The following ADNP variants were observed in gnomAD, a reference collection of about 807,000 sequenced individuals.
ADNP encodes the protein activity-dependent neuroprotector homeobox protein.
A neutral mutation model predicts 84.9 loss-of-function variants in ADNP; 4 were observed. The ratio of observed to expected loss-of-function variants is 0.05; its 90% CI spans 0.02 to 0.11. ADNP has a LOEUF of 0.11. ADNP is among the 10% of genes least tolerant of loss of function. The probability of loss-of-function intolerance (pLI) is 1.00; values close to 1 mark genes in which losing one functional copy is unlikely to be tolerated. For synonymous variants in ADNP, 554 were observed against 468.1 expected, an observed-to-expected ratio of 1.18 and a Z score of -2.37; for missense variants, 1,132 against 1,326.0, an observed-to-expected ratio of 0.85 and a Z score of 2.27.
chr20:50,921,591 C>A (rs1048420790), intron 2 of ADNP, among the ~76,000 whole-genome samples: 1 of 152,184 alleles, frequency 6.6e-6, no homozygotes, highest in South Asian at 2.1e-4. Context: ...TGATACTTTC[C>A]GTATTCAGAT....
At chr20:50,925,635 G>A (rs1054206250) in intron 2 of ADNP, among the ~76,000 whole-genome samples, 3 of 152,194 alleles carry the variant, frequency 2.0e-5, no homozygotes, top group Admixed American at 1.3e-4. Context: ...GTAAAAACAA[G>A]AAACAGCTTT....
chr20:50,920,021 G>GA (rs1983837013), intron 2 of ADNP, among the ~76,000 whole-genome samples: 1 of 152,114 alleles, frequency 6.6e-6, no homozygotes, highest in Non-Finnish European at 1.5e-5. Flanking sequence ...GCTCATGCCT[G>GA]AAATCCCAGC....
At chr20:50,907,454 A>G (rs973856439) in intron 2 of ADNP, among the ~76,000 whole-genome samples, 1 of 151,724 alleles carries the variant, frequency 6.6e-6, no homozygotes, top group Admixed American at 6.6e-5. Flanking sequence ...TTTAATAGAG[A>G]CAGGGCTTCA....
In ADNP at chr20:50,892,023, A is replaced by G; in HGVS notation, c.2691T>C (p.Phe897=). 1 of 1,614,180 alleles carries G rather than the reference A, an allele frequency of 6.2e-7. No individual in the cohort carries two copies. Among genetic ancestry groups the G allele is most frequent in the Non-Finnish European group, 8.5e-7 (1 of 1,180,030 alleles). Reference sequence around the variant, plus strand: ...CGTTAGAGATTTTAGGTTCAACTTCAAAAACAGGGTCAAAAGGGCTACCAC... The same window carrying G: ...CGTTAGAGATTTTAGGTTCAACTTCGAAAACAGGGTCAAAAGGGCTACCAC... ...NESGSPFDPV[F]EVEPKISNDN... Residue 897 remains phenylalanine (F), a synonymous_variant, in exon 6 of 6, where the codon TTT becomes TTC. Transcript: ENST00000621696.
At chr20:50,904,391 A>T (rs1287585095) in intron 3 of ADNP, 1 of 169,986 alleles carries the variant, frequency 5.9e-6, no homozygotes, top group Non-Finnish European at 1.3e-5. Flanking sequence ...AATTTTTAAA[A>T]TTTTTTTGTA....
At position 50,931,257 on chromosome 20, in the gene ADNP, G is replaced by GC. The variant is rs1251555992; in HGVS notation, c.-697_-696insG. The GC allele has an allele frequency of 9.4e-6, 1 of 106,252 alleles. No individual in the cohort carries two copies. The highest frequency in any genetic ancestry group is 8.4e-5 in the Admixed American group (1 of 11,858). 6.6% of individuals were successfully genotyped at this position (106,252 alleles called of 1,614,324 possible). ...GCACAAGATGGCGGCGGCCGGGGGGGGGGGGGCGGGAGTTCAGCTCATGGA... is the reference window on the plus strand; with the variant it reads ...GCACAAGATGGCGGCGGCCGGGGGGGCGGGGGGCGGGAGTTCAGCTCATGGA... On this transcript the variant is annotated 5_prime_UTR_variant, in exon 1 of 6. Coordinates refer to ENST00000621696, the MANE Select transcript of ADNP (RefSeq NM_001282531.3).
rs1174991890 is a variant in ADNP, at chr20:50,892,833, G to A, written c.1881C>T (p.Cys627=). ...KDVGKTLCPL[C]FSILKGPISD... The stretch of plus-strand genomic sequence containing the variant: ...ATATGGGTCCTTTTAGGATTGAAAA[G>A]CAAAGAGGACAAAGGGTTTTCCCAA... Residue 627 remains cysteine (C), a synonymous_variant, in exon 6 of 6, where the codon TGC becomes TGT. Coordinates refer to ENST00000621696, the MANE Select transcript of ADNP (RefSeq NM_001282531.3). 5 of 1,614,234 alleles carry A rather than the reference G, an allele frequency of 3.1e-6. No homozygotes were observed. The highest frequency in any genetic ancestry group is 4.2e-6 in the Non-Finnish European group (5 of 1,180,048).
Position 50,889,923 on chromosome 20 carries a change from C to A in ADNP, c.*1482G>T, listed in dbSNP as rs150159497. On this transcript the variant is annotated 3_prime_UTR_variant, in exon 6 of 6. Coordinates refer to ENST00000621696, the MANE Select transcript of ADNP (RefSeq NM_001282531.3). Reference sequence around the variant, plus strand: ...CAGAGCCGCCTGCACTACAGTTGTTCCCATCGTAAGGTGAAAACGAACGTT... The same window carrying A: ...CAGAGCCGCCTGCACTACAGTTGTTACCATCGTAAGGTGAAAACGAACGTT... The A allele has an allele frequency of 3.9e-3, 1,569 of 398,136 alleles. 26 individuals are homozygous for A. The highest frequency in any genetic ancestry group is 0.03 in the African/African-American group (1,430 of 48,456). 24.7% of individuals were successfully genotyped at this position (398,136 alleles called of 1,614,324 possible).
intron 2 of ADNP, among the ~76,000 whole-genome samples, chr20:50,919,396 A>G (rs1305115948): frequency 1.3e-5 from 2 of 151,558 alleles, no homozygotes; most frequent in East Asian, 3.9e-4. Flanking sequence ...CTTGAGTTGC[A>G]GTGAGCTATG....
Position 50,899,867 on chromosome 20 carries a change from A to ATTT in ADNP, c.201+2147_201+2149dup, listed in dbSNP as rs142777741. On this transcript the variant is annotated intron_variant, in intron 5 of 5. Coordinates refer to ENST00000621696, the MANE Select transcript of ADNP (RefSeq NM_001282531.3). ...CAAAATATTTTTATACAGCTGTACAATTTTTTTTTTTTTTTTTTTTGGAGC... is the reference window on the plus strand; with the variant it reads ...CAAAATATTTTTATACAGCTGTACAATTTTTTTTTTTTTTTTTTTTTTTGGAGC... Among the ~76,000 whole-genome samples the ATTT allele has an allele frequency of 4.4e-3, 584 of 131,256 alleles. 14 individuals are homozygous for ATTT. Among genetic ancestry groups the ATTT allele is most frequent in the African/African-American group, 0.014 (453 of 33,270 alleles). The allele number at this position is 131,256 out of a possible 152,430, so 86.1% of individuals were successfully genotyped here. A position where few individuals can be genotyped will look rare whatever the true frequency, so the allele number is the denominator to read the frequency against.
chr20:50,899,150 C>T (rs1385962135), intron 5 of ADNP, among the ~76,000 whole-genome samples: 1 of 151,528 alleles, frequency 6.6e-6, no homozygotes, highest in African/African-American at 2.4e-5. Context: ...TGCAGGTTCT[C>T]CAGGGCCAAC....
At chr20:50,917,050 T>C (rs2122946723) in intron 2 of ADNP, among the ~76,000 whole-genome samples, 1 of 152,264 alleles carries the variant, frequency 6.6e-6, no homozygotes, top group South Asian at 2.1e-4. Flanking sequence ...AATTAGCAGC[T>C]GAGGTGAAGC....
At position 50,891,491 on chromosome 20, in the gene ADNP, C is replaced by T; in HGVS notation, c.3223G>A (p.Glu1075Lys). Reference protein sequence around the residue: ...QNSTIDSEDGEQFDNMTDGVA... With the variant: ...QNSTIDSEDGKQFDNMTDGVA... ...CCATCAGTCATGTTGTCAAACTGTT[C>T]CCCATCCTCACTGTCAATTGTGCTA... Residue 1075 changes from glutamate to lysine, a missense_variant, in exon 6 of 6, where the codon GAA (glutamate) becomes AAA (lysine). Transcript: ENST00000621696. The T allele has an allele frequency of 1.2e-6, 2 of 1,612,488 alleles. No homozygotes were observed. Among genetic ancestry groups the T allele is most frequent in the Non-Finnish European group, 1.7e-6 (2 of 1,180,024 alleles).
In ADNP at chr20:50,892,369, G is replaced by C; in HGVS notation, c.2345C>G (p.Thr782Ser). The C allele has an allele frequency of 4.3e-6, 7 of 1,614,132 alleles. No homozygotes were observed. The highest frequency in any genetic ancestry group is 5.9e-6 in the Non-Finnish European group (7 of 1,180,044). ...TGCTAGCTTCTCAATTTCTCTCCTGGTGGGATAGGGCTGTTTGTTGAAATA... is the reference window on the plus strand; with the variant it reads ...TGCTAGCTTCTCAATTTCTCTCCTGCTGGGATAGGGCTGTTTGTTGAAATA... ...TKYFNKQPYP[T>S]RREIEKLAAS... Residue 782 changes from threonine to serine, a missense_variant, in exon 6 of 6, where the codon ACC (threonine) becomes AGC (serine). Around this residue, in one of 10 missense-constraint regions of ADNP, gnomAD observed 41 missense variants for 78.4 expected, o/e 0.52. Transcript: ENST00000621696.
chr20:50,926,503 G>GA (rs1984299050), intron 2 of ADNP, among the ~76,000 whole-genome samples: 1 of 151,910 alleles, frequency 6.6e-6, no homozygotes, highest in Non-Finnish European at 1.5e-5. Context: ...AGGTTACTTG[G>GA]AAAAAATACA....
rs1980616033 is a variant in ADNP at position 50,890,819 on chromosome 20, G to A, written c.*586C>T. The A allele has an allele frequency of 4.0e-6, 3 of 747,926 alleles. No individual in the cohort carries two copies. Among genetic ancestry groups the A allele is most frequent in the Non-Finnish European group, 4.9e-6 (3 of 613,078 alleles). The allele number at this position is 747,926 out of a possible 1,614,324, so 46.3% of individuals were successfully genotyped here. A position where few individuals can be genotyped will look rare whatever the true frequency, so the allele number is the denominator to read the frequency against. On this transcript the variant is annotated 3_prime_UTR_variant, in exon 6 of 6. Transcript: ENST00000621696. ...AAAGTCCATACTAGCGCAGTTTTGA[G>A]CTTTTGCTAGGTAAACTAGATAGAG...
chr20:50,923,151 T>C (rs1029189593), intron 2 of ADNP, among the ~76,000 whole-genome samples: 1 of 152,214 alleles, frequency 6.6e-6, no homozygotes, highest in African/African-American at 2.4e-5. Context: ...AAAACCAGTA[T>C]GTATCACAAC....
chr20:50,908,150 T>G (rs1258916335), intron 2 of ADNP, among the ~76,000 whole-genome samples: 1 of 82,152 alleles, frequency 1.2e-5, no homozygotes. Flanking sequence ...TTTTTCTGTT[T>G]TTTTTTTTTT....
intron 2 of ADNP, among the ~76,000 whole-genome samples, chr20:50,925,336 T>C (rs1469999584): frequency 1.3e-5 from 2 of 151,346 alleles, no homozygotes; most frequent in Non-Finnish European, 2.9e-5. Context: ...AGAAGCATGA[T>C]AATATGTGAG....
Sources: allele counts gnomAD v4.1 joint callset (sites outside exome capture counted in the v4.1 genomes callset), GRCh38; gene constraint gnomAD v4.1.1; regional missense constraint gnomAD v4.1.1; transcripts MANE v1.5; gene names NCBI Gene and HGNC (gene_info 2026-07-23, HGNC 2026-07-21).